Variants in RBFOX1 observed in about 807,000 individuals in gnomAD.
The protein encoded by RBFOX1 is RNA binding protein fox-1 homolog 1.
RBFOX1 carries 8 observed loss-of-function variants against 57.7 expected under a neutral mutation model. The observed-to-expected ratio is 0.14, with a 90% CI of 0.08 to 0.25. RBFOX1 has a LOEUF of 0.25. RBFOX1 is among the 10% of genes least tolerant of loss of function. The probability of loss-of-function intolerance (pLI) is 1.00; values close to 1 mark genes in which losing one functional copy is unlikely to be tolerated. For missense variants in RBFOX1, 611 were observed against 548.5 expected, an observed-to-expected ratio of 1.11 and a Z score of -1.14; for synonymous variants, 326 against 222.4, an observed-to-expected ratio of 1.47 and a Z score of -4.15.
At chr16:7,148,921 A>G (rs2075578782) in intron 4 of RBFOX1, among the ~76,000 whole-genome samples, 1 of 152,192 alleles carries the variant, frequency 6.6e-6, no homozygotes, top group Admixed American at 6.6e-5. Context: ...TGTGCCTAAA[A>G]TCAGTTTAGT....
At chr16:5,856,742 C>T (rs918465380) in intron 3 of RBFOX1, among the ~76,000 whole-genome samples, 2 of 151,476 alleles carry the variant, frequency 1.3e-5, no homozygotes, top group East Asian at 3.9e-4. Flanking sequence ...TTTTCTTCTG[C>T]AGCTTCCTAC....
At chr16:7,164,613 C>T (rs920979282) in intron 4 of RBFOX1, among the ~76,000 whole-genome samples, 11 of 152,170 alleles carry the variant, frequency 7.2e-5, no homozygotes, top group African/African-American at 1.9e-4. Flanking sequence ...CTTTTAATAA[C>T]GTGTAATTTC....
At chr16:6,209,012 T>C (rs539131719) in intron 1 of RBFOX1, among the ~76,000 whole-genome samples, 1 of 152,188 alleles carries the variant, frequency 6.6e-6, no homozygotes, top group Non-Finnish European at 1.5e-5. Context: ...TTGTCCTGTA[T>C]CTTACAACCT....
chr16:5,841,775 G>A (rs1317990632), intron 3 of RBFOX1, among the ~76,000 whole-genome samples: 1 of 152,182 alleles, frequency 6.6e-6, no homozygotes, highest in Non-Finnish European at 1.5e-5. Context: ...GCCTGATGCA[G>A]CCCAGTTCTC....
At chr16:7,238,003 C>T (rs2093857873) in intron 4 of RBFOX1, among the ~76,000 whole-genome samples, 1 of 151,890 alleles carries the variant, frequency 6.6e-6, no homozygotes, top group Non-Finnish European at 1.5e-5. Context: ...GACCCTGTCT[C>T]AAAAAAAGAA....
At chr16:6,693,378 A>C (rs939147997) in intron 3 of RBFOX1, among the ~76,000 whole-genome samples, 3 of 133,968 alleles carry the variant, frequency 2.2e-5, no homozygotes, top group East Asian at 2.3e-4. Context: ...ACATCATCCT[A>C]CTCCACTAGA....
chr16:6,084,659 C>G (rs2096059782), intron 1 of RBFOX1, among the ~76,000 whole-genome samples: 2 of 152,128 alleles, frequency 1.3e-5, no homozygotes, highest in Middle Eastern at 3.2e-3. Flanking sequence ...TAAGCCTGCT[C>G]TCTCTCTCGT....
At chr16:5,255,308 C>G (rs2062556846) in intron 1 of RBFOX1, among the ~76,000 whole-genome samples, 1 of 150,926 alleles carries the variant, frequency 6.6e-6, no homozygotes, top group Admixed American at 6.7e-5. Flanking sequence ...GTCCGCCTAT[C>G]CGTCCACACT....
chr16:7,422,188 G>T (rs747836249), intron 4 of RBFOX1, among the ~76,000 whole-genome samples: 1 of 152,104 alleles, frequency 6.6e-6, no homozygotes, highest in African/African-American at 2.4e-5. Context: ...GCTTGTGCGA[G>T]TGAGAAACAC....
intron 4 of RBFOX1, among the ~76,000 whole-genome samples, chr16:7,338,458 C>A (rs2096834040): frequency 6.6e-6 from 1 of 152,126 alleles, no homozygotes; most frequent in Non-Finnish European, 1.5e-5. Flanking sequence ...TGCAGTGGTG[C>A]AATCATAGCT....
At chr16:7,115,192 A>C (rs1487921136) in intron 4 of RBFOX1, among the ~76,000 whole-genome samples, 1 of 152,168 alleles carries the variant, frequency 6.6e-6, no homozygotes, top group Non-Finnish European at 1.5e-5. Flanking sequence ...GTATTTTTTT[A>C]ATTAACTGAT....
At chr16:5,848,822 A>G (rs2056819114) in intron 3 of RBFOX1, among the ~76,000 whole-genome samples, 1 of 151,996 alleles carries the variant, frequency 6.6e-6, no homozygotes, top group Non-Finnish European at 1.5e-5. Flanking sequence ...GGTGGCGGAC[A>G]CCTGTAATAC....
chr16:6,146,228 C>T (rs559753842), intron 1 of RBFOX1, among the ~76,000 whole-genome samples: 3 of 152,282 alleles, frequency 2.0e-5, no homozygotes, highest in Admixed American at 6.5e-5. Flanking sequence ...CAGCTTGGCA[C>T]AGCAGGAGCT....
At chr16:6,077,204 C>T (rs34357164) in intron 1 of RBFOX1, among the ~76,000 whole-genome samples, 57,511 of 151,744 alleles carry the variant, frequency 0.38, 11,989 homozygotes, top group Non-Finnish European at 0.49. Context: ...CATTTCAGCC[C>T]CTGCCACGGT....
At chr16:5,846,905 C>T (rs896672023) in intron 3 of RBFOX1, among the ~76,000 whole-genome samples, 2 of 152,210 alleles carry the variant, frequency 1.3e-5, no homozygotes, top group African/African-American at 4.8e-5. Context: ...TGCACATAAA[C>T]CGCATTATTA....
At chr16:7,222,207 G>A (rs2092782285) in intron 4 of RBFOX1, among the ~76,000 whole-genome samples, 1 of 152,206 alleles carries the variant, frequency 6.6e-6, no homozygotes, top group Non-Finnish European at 1.5e-5. Context: ...AGGGCAGGTG[G>A]TTCACAAAGG....
At chr16:6,030,601 G>C (rs1045333642) in intron 1 of RBFOX1, among the ~76,000 whole-genome samples, 1 of 152,088 alleles carries the variant, frequency 6.6e-6, no homozygotes, top group South Asian at 2.1e-4. Flanking sequence ...CAATATAAAG[G>C]TATATAAGGT....
At chr16:7,030,479 C>T (rs1051329796) in intron 3 of RBFOX1, among the ~76,000 whole-genome samples, 17 of 152,132 alleles carry the variant, frequency 1.1e-4, no homozygotes, top group African/African-American at 4.1e-4. Context: ...AGAATCCTTC[C>T]TTCCTTCTCC....
At chr16:6,074,406 G>T (rs574599212) in intron 1 of RBFOX1, among the ~76,000 whole-genome samples, 5 of 152,310 alleles carry the variant, frequency 3.3e-5, no homozygotes, top group East Asian at 1.9e-4. Context: ...GAGATGGCCT[G>T]TCTTCAGTCA....
Sources: gnomAD v4.1 joint callset for allele counts (sites outside exome capture counted in the v4.1 genomes callset) on GRCh38, gnomAD v4.1.1 for gene constraint, MANE v1.5 for transcripts, NCBI Gene and HGNC (gene_info 2026-07-23, HGNC 2026-07-21) for gene names.